TCF25: variants seen among roughly 807,000 people sequenced by gnomAD.
TCF25 encodes the protein TCF25 ribosome quality control complex subunit.
TCF25 carries 41 observed loss-of-function variants against 83.1 expected under a neutral mutation model. The observed-to-expected ratio is 0.49, with a 90% CI of 0.38 to 0.64. The LOEUF is 0.64. Ranked by LOEUF, TCF25 falls within the 30% of genes least tolerant of loss-of-function variation. The probability of loss-of-function intolerance (pLI) is 0.00; values close to 1 mark genes in which losing one functional copy is unlikely to be tolerated. For synonymous variants in TCF25, 458 were observed against 365.0 expected (o/e 1.25, Z -2.90); for missense variants, 979 against 914.5 (o/e 1.07, Z -0.91).
chr16:89,897,429 G>T (rs1456780702), intron 9 of TCF25, among the ~76,000 whole-genome samples: 1 of 152,216 alleles, frequency 6.6e-6, no homozygotes, highest in Non-Finnish European at 1.5e-5. Context: ...TTCTCTGGCC[G>T]CCCTGGGTTG....
intron 1 of TCF25, among the ~76,000 whole-genome samples, chr16:89,881,076 G>GT (rs1253524146): frequency 1.3e-5 from 2 of 152,224 alleles, no homozygotes; most frequent in Non-Finnish European, 2.9e-5. Context: ...CTCAACGGGC[G>GT]TAAGTTGCTC....
intron 11 of TCF25, 117 bp downstream of exon 11, chr16:89,898,989 G>C: frequency 1.0e-6 from 1 of 1,000,856 alleles, no homozygotes; most frequent in Non-Finnish European, 1.5e-6. Context: ...ATAATCGTCT[G>C]AGGGCAGAAC....
At chr16:89,909,187 A>G (rs2045334455) in intron 16 of TCF25, 2 of 1,250,850 alleles carry the variant, frequency 1.6e-6, no homozygotes, top group South Asian at 2.6e-5. Flanking sequence ...CAGCCTGGCC[A>G]ACATGGCAAA....
chr16:89,881,430 C>T (rs1303660472), intron 1 of TCF25, among the ~76,000 whole-genome samples: 3 of 152,110 alleles, frequency 2.0e-5, no homozygotes, highest in East Asian at 1.9e-4. Flanking sequence ...ATTGTTGATG[C>T]TGGTCTCTGT....
intron 12 of TCF25, among the ~76,000 whole-genome samples, chr16:89,901,282 GAGGCTGC>G (rs2044301901): frequency 6.6e-6 from 1 of 152,252 alleles, no homozygotes; most frequent in South Asian, 2.1e-4. Flanking sequence ...CGGGCACAGT[GAGGCTGC>G]CACCTGGTCA....
intron 15 of TCF25, 160 bp downstream of exon 15, chr16:89,906,444 T>C: frequency 3.1e-6 from 2 of 639,888 alleles, no homozygotes; most frequent in South Asian, 3.8e-5. Context: ...GGCTCCTCCT[T>C]TCCTGGCAGC....
chr16:89,899,635 G>A (rs2044158782), intron 11 of TCF25, among the ~76,000 whole-genome samples: 1 of 152,132 alleles, frequency 6.6e-6, no homozygotes, highest in African/African-American at 2.4e-5. Context: ...GGCTGAGGCA[G>A]GAGAATCGCT....
intron 11 of TCF25, among the ~76,000 whole-genome samples, chr16:89,900,196 A>G (rs2044200221): frequency 1.4e-5 from 2 of 144,004 alleles, no homozygotes; most frequent in African/African-American, 5.6e-5. Flanking sequence ...GGCAAGAGAA[A>G]CTGGCACGGT....
intron 1 of TCF25, among the ~76,000 whole-genome samples, chr16:89,877,814 A>G (rs1427751253): frequency 6.6e-6 from 1 of 152,202 alleles, no homozygotes; most frequent in Non-Finnish European, 1.5e-5. Flanking sequence ...GTTCACAGGT[A>G]CAGATGGTGC....
intron 1 of TCF25, among the ~76,000 whole-genome samples, chr16:89,875,315 T>G (rs1213678510): frequency 6.6e-6 from 1 of 152,196 alleles, no homozygotes; most frequent in Admixed American, 6.5e-5. Context: ...GTTTATATCT[T>G]TGCCTTTTTA....
intron 4 of TCF25, among the ~76,000 whole-genome samples, chr16:89,887,066 C>G (rs1393167503): frequency 1.3e-5 from 2 of 152,170 alleles, no homozygotes; most frequent in African/African-American, 2.4e-5. Context: ...GACAGGATCT[C>G]TCTATCACCC....
At chr16:89,904,895 G>T in intron 13 of TCF25, 43 bp from the exon 14 acceptor site, 1 of 1,580,158 alleles carries the variant, frequency 6.3e-7, no homozygotes, top group South Asian at 1.2e-5. Flanking sequence ...GGCAGGCTGT[G>T]GTCTGAAGAG....
rs1164528945 is a variant in TCF25, at chr16:89,875,820, CTTTTTTTTT to C, written c.192+1981_192+1989del. ...TACAGGCGTGAGCCACTGCGCCTGGCTTTTTTTTTTTTTTTTTTTTTTTTTTTTGGTTAC... is the reference window on the plus strand; with the variant it reads ...TACAGGCGTGAGCCACTGCGCCTGGCTTTTTTTTTTTTTTTTTTTGGTTAC... On this transcript the variant is annotated intron_variant, in intron 1 of 17. Transcript: ENST00000263346. Among the ~76,000 whole-genome samples, 4 of 64,862 alleles carry C rather than the reference CTTTTTTTTT, an allele frequency of 6.2e-5. No individual in the cohort carries two copies. In the East Asian group the frequency reaches 1.1e-3, roughly 18 times the overall value. 42.6% of individuals were successfully genotyped at this position (64,862 alleles called of 152,430 possible).
intron 16 of TCF25, among the ~76,000 whole-genome samples, 165 bp downstream of exon 16, chr16:89,907,487 GCTCCCACCTCCCT>G (rs2044955658): frequency 7.1e-4 from 8 of 11,202 alleles, no homozygotes; most frequent in African/African-American, 2.0e-3. Context: ...CCACCTCCCA[GCTCCCACCTCCCT>G]CCTCCCACCT....
intron 16 of TCF25, among the ~76,000 whole-genome samples, chr16:89,908,262 G>C (rs1418574974): frequency 2.8e-4 from 17 of 61,134 alleles, no homozygotes; most frequent in South Asian, 6.5e-4. Flanking sequence ...CCACCTCCCA[G>C]CTCCCTCTTC....
intron 1 of TCF25, among the ~76,000 whole-genome samples, chr16:89,882,443 C>A (rs137879272): frequency 0.014 from 2,084 of 152,170 alleles, 27 homozygotes; most frequent in Middle Eastern, 0.031. Flanking sequence ...GAGGCTGAGG[C>A]AGGAGGATGC....
intron 1 of TCF25, among the ~76,000 whole-genome samples, chr16:89,879,351 C>A (rs1437509378): frequency 6.7e-6 from 1 of 150,374 alleles, no homozygotes; most frequent in Non-Finnish European, 1.5e-5. Context: ...GCTCCTGGGC[C>A]TGTCACACGT....
At chr16:89,877,116 A>G (rs572306510) in intron 1 of TCF25, among the ~76,000 whole-genome samples, 2 of 135,434 alleles carry the variant, frequency 1.5e-5, no homozygotes, top group Non-Finnish European at 3.0e-5. Context: ...AAATAAATAA[A>G]TAAATAAATA....
At chr16:89,887,771 C>T (rs2043126905) in intron 5 of TCF25, 54 bp downstream of exon 5, 17 of 1,478,116 alleles carry the variant, frequency 1.2e-5, no homozygotes, top group Non-Finnish European at 1.4e-5. Flanking sequence ...TTCTTAGACT[C>T]TTGGCCGGGG....
Sources: allele counts gnomAD v4.1 joint callset (sites outside exome capture counted in the v4.1 genomes callset), GRCh38; gene constraint gnomAD v4.1.1; transcripts MANE v1.5; gene names NCBI Gene and HGNC (gene_info 2026-07-23, HGNC 2026-07-21).